The following HPSE2 variants were observed in gnomAD, a reference collection of about 807,000 sequenced individuals.
The protein encoded by HPSE2 is heparanase 2 (inactive), also known as inactive heparanase-2.
In HPSE2, 38 loss-of-function variants were observed where a neutral mutation model predicts 60.5. The ratio of observed to expected loss-of-function variants is 0.63; its 90% CI spans 0.48 to 0.82. The LOEUF is 0.82. Ranked by LOEUF, HPSE2 falls within the 40% of genes least tolerant of loss-of-function variation. The probability of loss-of-function intolerance (pLI) is 0.00; values close to 1 mark genes in which losing one functional copy is unlikely to be tolerated. For missense variants in HPSE2, 713 were observed against 740.4 expected, an observed-to-expected ratio of 0.96 and a Z score of 0.43; for synonymous variants, 295 against 293.2, an observed-to-expected ratio of 1.01 and a Z score of -0.06.
At chr10:98,957,915 C>T (rs1955550259) in intron 3 of HPSE2, among the ~76,000 whole-genome samples, 1 of 152,130 alleles carries the variant, frequency 6.6e-6, no homozygotes. Context: ...ATAAACAGCT[C>T]AACAGTTTCC....
At position 99,163,403 on chromosome 10, in the gene HPSE2, T is replaced by G. The variant is rs149525835; in HGVS notation, c.449-19004A>C. ...ACGTAAAGTCCTCAGTTTACCACTC[T>G]GCGATGACATTCTCCTTCCTCTTTC... On this transcript the variant is annotated intron_variant, in intron 2 of 11. Coordinates refer to ENST00000370552, the MANE Select transcript of HPSE2 (RefSeq NM_021828.5). Among the ~76,000 whole-genome samples, 230 of 152,280 alleles carry G rather than the reference T, an allele frequency of 1.5e-3. 3 individuals carry two copies. The Middle Eastern group carries it at 0.024, about 16-fold the overall frequency.
chr10:98,552,001 C>T lies in HPSE2; in HGVS notation c.1321-61805G>A, dbSNP rs570266124. On this transcript the variant is annotated intron_variant, in intron 9 of 11. Transcript: ENST00000370552. ...ATAACCAGGCAAACTTGGCAAACACCTAACTAGGGCAAAGACAGCAGGGAA... is the reference window on the plus strand; with the variant it reads ...ATAACCAGGCAAACTTGGCAAACACTTAACTAGGGCAAAGACAGCAGGGAA... Among the ~76,000 whole-genome samples the T allele has an allele frequency of 4.6e-5, 7 of 152,170 alleles. No individual in the cohort carries two copies. In the South Asian group the frequency reaches 1.2e-3, roughly 27 times the overall value.
Position 98,861,064 on chromosome 10 carries a change from C to T in HPSE2, c.611-117008G>A, listed in dbSNP as rs571391435. Among the ~76,000 whole-genome samples the T allele has an allele frequency of 1.2e-4, 19 of 152,292 alleles. No individual in the cohort carries two copies. In the South Asian group the frequency reaches 2.9e-3, roughly 23 times the overall value. On this transcript the variant is annotated intron_variant, in intron 3 of 11. Transcript: ENST00000370552. ...AAGGCAGTTGGCTCCTGATATTAAA[C>T]AAAACATTCTAATGGAGATAATTCC...
chr10:98,619,896 T>TGGTCTA (rs1946026451), intron 8 of HPSE2, among the ~76,000 whole-genome samples: 1 of 152,190 alleles, frequency 6.6e-6, no homozygotes, highest in South Asian at 2.1e-4. Flanking sequence ...GAAAGGCAGG[T>TGGTCTA]GGTCTACTGC....
intron 4 of HPSE2, among the ~76,000 whole-genome samples, chr10:98,722,256 T>C (rs1309629548): frequency 6.0e-5 from 9 of 149,600 alleles, no homozygotes; most frequent in South Asian, 2.2e-4. Flanking sequence ...CTTCTGTCTT[T>C]ATAAGAGAAA....
At chr10:98,565,681 G>A (rs1195060803) in intron 9 of HPSE2, among the ~76,000 whole-genome samples, 1 of 152,036 alleles carries the variant, frequency 6.6e-6, no homozygotes, top group Non-Finnish European at 1.5e-5. Context: ...TATTCCTTTG[G>A]GTATACACCC....
intron 3 of HPSE2, among the ~76,000 whole-genome samples, chr10:98,953,043 T>C (rs576180922): frequency 6.6e-6 from 1 of 152,056 alleles, no homozygotes; most frequent in Admixed American, 6.5e-5. Context: ...ACACTTTCTC[T>C]CCCCCACGAC....
intron 3 of HPSE2, among the ~76,000 whole-genome samples, chr10:99,120,968 A>T (rs186336399): frequency 1.3e-4 from 20 of 152,360 alleles, no homozygotes; most frequent in Admixed American, 1.3e-3. Flanking sequence ...TATATACCCA[A>T]AAGAATGTAA....
chr10:99,184,830 AGAGAGAGAGAGAG>A (rs1847938245), intron 2 of HPSE2, among the ~76,000 whole-genome samples: 1 of 52,948 alleles, frequency 1.9e-5, no homozygotes, highest in Non-Finnish European at 5.8e-5. Context: ...AGAGAGAGAG[AGAGAGAGAGAGAG>A]AGAGAGAGAG....
chr10:99,276,794 C>A, the HPSE2 span, among the ~76,000 whole-genome samples: 1 of 151,972 alleles, frequency 6.6e-6, no homozygotes, highest in Middle Eastern at 3.4e-3. Context: ...ACAGAAGTAC[C>A]CTAGTATGTC....
chr10:98,556,696 G>A (rs1944017665), intron 9 of HPSE2, among the ~76,000 whole-genome samples: 1 of 152,128 alleles, frequency 6.6e-6, no homozygotes, highest in Non-Finnish European at 1.5e-5. Flanking sequence ...ACCATATTAT[G>A]GAATGAAAGA....
intron 9 of HPSE2, among the ~76,000 whole-genome samples, chr10:98,590,578 A>T (rs973695132): frequency 3.3e-5 from 5 of 152,228 alleles, no homozygotes; most frequent in African/African-American, 1.2e-4. Flanking sequence ...TGGAGCCATG[A>T]TGCGCTTATC....
Position 98,636,577 on chromosome 10 carries a change from G to A in HPSE2, c.1098+5270C>T, listed in dbSNP as rs114842200. ...TTTGATCATTACACATTGTATACAC[G>A]TATTGCAATATCATTCTGTACCCCA... is the stretch of plus-strand genomic sequence containing the variant. On this transcript the variant is annotated intron_variant, in intron 7 of 11. Coordinates refer to ENST00000370552, the MANE Select transcript of HPSE2 (RefSeq NM_021828.5). Among the ~76,000 whole-genome samples the A allele has an allele frequency of 3.6e-3, 548 of 152,114 alleles. 5 individuals are homozygous for A. Among genetic ancestry groups the A allele is most frequent in the African/African-American group, 0.012 (514 of 41,484 alleles).
chr10:98,634,317 CA>C (rs1220923296), intron 7 of HPSE2, among the ~76,000 whole-genome samples: 3 of 152,184 alleles, frequency 2.0e-5, no homozygotes, highest in African/African-American at 7.2e-5. Flanking sequence ...TTGAAATAAG[CA>C]GTCAATATTG....
chr10:99,104,230 A>T (rs1241804342), intron 3 of HPSE2, among the ~76,000 whole-genome samples: 1 of 152,164 alleles, frequency 6.6e-6, no homozygotes, highest in African/African-American at 2.4e-5. Flanking sequence ...TTTGCAATCT[A>T]CTCATCTGGC....
At chr10:98,643,091 CTT>C (rs1009147940) in intron 6 of HPSE2, among the ~76,000 whole-genome samples, 2 of 152,198 alleles carry the variant, frequency 1.3e-5, no homozygotes, top group African/African-American at 4.8e-5. Context: ...TCACTTATGA[CTT>C]TACAACATTT....
At chr10:98,696,144 G>A (rs1948206649) in intron 5 of HPSE2, among the ~76,000 whole-genome samples, 1 of 151,706 alleles carries the variant, frequency 6.6e-6, no homozygotes, top group Admixed American at 6.6e-5. Flanking sequence ...AGACACAAAT[G>A]TCATTTCAAA....
chr10:98,503,743 C>G (rs1475373209), intron 9 of HPSE2, among the ~76,000 whole-genome samples: 1 of 152,154 alleles, frequency 6.6e-6, no homozygotes, highest in Non-Finnish European at 1.5e-5. Context: ...GGCTATTATT[C>G]TAAGTAAACT....
intron 3 of HPSE2, among the ~76,000 whole-genome samples, chr10:99,010,176 T>C (rs978719029): frequency 1.3e-5 from 2 of 152,242 alleles, no homozygotes; most frequent in Non-Finnish European, 2.9e-5. Flanking sequence ...ATGAAACTTG[T>C]AGCAATCATT....
Sources: allele counts gnomAD v4.1 joint callset (sites outside exome capture counted in the v4.1 genomes callset), GRCh38; gene constraint gnomAD v4.1.1; transcripts MANE v1.5; gene names NCBI Gene and HGNC (gene_info 2026-07-23, HGNC 2026-07-21).